Variants in INPP4B observed in about 807,000 individuals in gnomAD.
INPP4B encodes inositol polyphosphate 4-phosphatase type II.
A neutral mutation model predicts 122.5 loss-of-function variants in INPP4B; 55 were observed. The ratio of observed to expected loss-of-function variants is 0.45; its 90% CI spans 0.36 to 0.56. INPP4B has a LOEUF of 0.56. Among genes scored for constraint, INPP4B ranks in the 20% least tolerant of loss-of-function variants. INPP4B has a pLI of 0.00. For missense variants in INPP4B, 1,000 were observed against 1,097.7 expected (o/e 0.91, Z 1.26); for synonymous variants, 403 against 388.7 (o/e 1.04, Z -0.43).
At chr4:142,540,098 T>C (rs1828762219) in intron 2 of INPP4B, among the ~76,000 whole-genome samples, 1 of 152,084 alleles carries the variant, frequency 6.6e-6, no homozygotes, top group Non-Finnish European at 1.5e-5. Flanking sequence ...TCAGTTATTA[T>C]TTTAATACAA....
At chr4:142,502,584 G>A (rs1348889431) in intron 2 of INPP4B, among the ~76,000 whole-genome samples, 1 of 152,048 alleles carries the variant, frequency 6.6e-6, no homozygotes, top group Non-Finnish European at 1.5e-5. Flanking sequence ...CATCTCCTGG[G>A]TTCAAGAGAT....
At chr4:142,594,569 T>C (rs755898086) in intron 2 of INPP4B, among the ~76,000 whole-genome samples, 10 of 152,142 alleles carry the variant, frequency 6.6e-5, no homozygotes, top group Non-Finnish European at 8.8e-5. Context: ...CAGCCTGACT[T>C]TGGGGAGCTA....
chr4:142,727,820 G>T (rs1210035849), intron 1 of INPP4B, among the ~76,000 whole-genome samples: 1 of 152,186 alleles, frequency 6.6e-6, no homozygotes, highest in Non-Finnish European at 1.5e-5. Flanking sequence ...AGAGGCTATA[G>T]TGAGCCGAGA....
At chr4:142,763,430 TA>T (rs1266518096) in intron 1 of INPP4B, among the ~76,000 whole-genome samples, 58 of 152,122 alleles carry the variant, frequency 3.8e-4, no homozygotes, top group Admixed American at 4.6e-4. Context: ...TAACACTAAA[TA>T]ACAATATGTA....
At chr4:142,032,316 G>A (rs931179991) in intron 25 of INPP4B, among the ~76,000 whole-genome samples, 1 of 152,076 alleles carries the variant, frequency 6.6e-6, no homozygotes, top group African/African-American at 2.4e-5. Context: ...TGAACTAGTG[G>A]ATGGCAGACC....
At chr4:142,132,230 G>A (rs1264676092) in intron 18 of INPP4B, among the ~76,000 whole-genome samples, 1 of 151,968 alleles carries the variant, frequency 6.6e-6, no homozygotes, top group Non-Finnish European at 1.5e-5. Flanking sequence ...TTAAAAGGGT[G>A]CTAGTGAATA....
At chr4:142,424,920 A>G (rs1470857981) in intron 5 of INPP4B, among the ~76,000 whole-genome samples, 5 of 152,062 alleles carry the variant, frequency 3.3e-5, no homozygotes, top group African/African-American at 1.2e-4. Context: ...TTTTTGTTAT[A>G]TTAATATAAA....
intron 2 of INPP4B, among the ~76,000 whole-genome samples, chr4:142,712,640 C>T (rs1443186): frequency 0.63 from 96,386 of 152,088 alleles, 30,763 homozygotes; most frequent in East Asian, 0.78. Flanking sequence ...CAATCACAAA[C>T]GTACTTGTTT....
intron 2 of INPP4B, among the ~76,000 whole-genome samples, chr4:142,607,115 T>A (rs1199435837): frequency 6.6e-6 from 1 of 151,910 alleles, no homozygotes; most frequent in Non-Finnish European, 1.5e-5. Context: ...CCAAATTTGT[T>A]TGCTCAACAT....
intron 25 of INPP4B, among the ~76,000 whole-genome samples, chr4:142,078,411 C>A (rs944642245): frequency 2.0e-5 from 3 of 151,966 alleles, no homozygotes; most frequent in Non-Finnish European, 4.4e-5. Context: ...ATGCACAATA[C>A]CACCAAATAC....
At chr4:142,839,445 CA>C (rs61042683) in intron 1 of INPP4B, among the ~76,000 whole-genome samples, 1 of 151,620 alleles carries the variant, frequency 6.6e-6, no homozygotes, top group East Asian at 1.9e-4. Context: ...ACAACAACAA[CA>C]AAAAAAATGA....
intron 2 of INPP4B, among the ~76,000 whole-genome samples, chr4:142,697,637 A>G (rs963711730): frequency 6.6e-6 from 1 of 152,202 alleles, no homozygotes; most frequent in South Asian, 2.1e-4. Context: ...TGGCCAAAGC[A>G]TATACTGGAA....
intron 1 of INPP4B, among the ~76,000 whole-genome samples, chr4:142,749,595 C>T (rs1382125182): frequency 6.6e-6 from 1 of 151,758 alleles, no homozygotes; most frequent in East Asian, 1.9e-4. Context: ...TCCAGTTCAC[C>T]TTAAAATATA....
At chr4:142,510,283 T>C (rs1246124391) in intron 2 of INPP4B, among the ~76,000 whole-genome samples, 1 of 152,174 alleles carries the variant, frequency 6.6e-6, no homozygotes, top group Non-Finnish European at 1.5e-5. Flanking sequence ...CATATATCAC[T>C]GACAAAGGAA....
intron 17 of INPP4B, among the ~76,000 whole-genome samples, chr4:142,152,321 C>T (rs1218711713): frequency 2.0e-5 from 3 of 151,954 alleles, no homozygotes; most frequent in South Asian, 2.1e-4. Context: ...ATGATCCACC[C>T]GCCTGGGCCT....
intron 2 of INPP4B, among the ~76,000 whole-genome samples, chr4:142,521,949 G>A (rs1425525): frequency 1 from 151,549 of 152,228 alleles, 75,441 homozygotes; most frequent in Middle Eastern, 1. Context: ...TAATTTAAAA[G>A]CACAGAGTGG....
chr4:142,649,026 T>C (rs985995391), intron 2 of INPP4B, among the ~76,000 whole-genome samples: 4 of 152,182 alleles, frequency 2.6e-5, no homozygotes, highest in Non-Finnish European at 5.9e-5. Flanking sequence ...ATTTTTGCTG[T>C]TCTGCAATAG....
intron 15 of INPP4B, among the ~76,000 whole-genome samples, chr4:142,186,388 A>G (rs1833225826): frequency 6.6e-6 from 1 of 151,734 alleles, no homozygotes; most frequent in Non-Finnish European, 1.5e-5. Context: ...AGTATGTGAC[A>G]ATCAGAATTC....
chr4:142,164,650 A>G lies in INPP4B; in HGVS notation c.1360-4089T>C, dbSNP rs150833657. On this transcript the variant is annotated intron_variant, in intron 16 of 25. Transcript: ENST00000262992. ...AATCATTTTTCCTAGTTTGCATAAA[A>G]TTACAGTGCCTACCTCTCAAACTCC... is the stretch of plus-strand genomic sequence containing the variant. Among the ~76,000 whole-genome samples the G allele has an allele frequency of 2.1e-3, 315 of 151,942 alleles. 3 individuals carry two copies. The highest frequency in any genetic ancestry group is 7.2e-3 in the African/African-American group (301 of 41,518).
Sources: allele counts gnomAD v4.1 joint callset (sites outside exome capture counted in the v4.1 genomes callset), GRCh38; gene constraint gnomAD v4.1.1; transcripts MANE v1.5; gene names NCBI Gene and HGNC (gene_info 2026-07-23, HGNC 2026-07-21).